Variants in DNA2 observed in about 807,000 individuals in gnomAD.
DNA2 encodes DNA replication ATP-dependent helicase/nuclease DNA2.
A neutral mutation model predicts 119.1 loss-of-function variants in DNA2; 101 were observed. The ratio of observed to expected loss-of-function variants is 0.85; its 90% CI spans 0.72 to 1.00. DNA2 has a LOEUF of 1.00. Among genes scored for constraint, DNA2 ranks in the 50% least tolerant of loss-of-function variants. DNA2 has a pLI of 0.00. For synonymous variants in DNA2, 366 were observed against 424.4 expected (o/e 0.86, Z 1.69); for missense variants, 1,121 against 1,255.5 (o/e 0.89, Z 1.62).
At chr10:68,426,147 C>T (rs1590050513) in intron 14 of DNA2, among the ~76,000 whole-genome samples, 2 of 151,528 alleles carry the variant, frequency 1.3e-5, no homozygotes, top group East Asian at 2.0e-4. Context: ...AAAAAGAAAA[C>T]CTTCAGCATC....
At chr10:68,448,968 C>CGTGCGTGT (rs2052080154) in intron 6 of DNA2, among the ~76,000 whole-genome samples, 8 of 109,610 alleles carry the variant, frequency 7.3e-5, no homozygotes, top group African/African-American at 1.5e-4. Flanking sequence ...TGTGTGTGTG[C>CGTGCGTGT]GTGTGTGTGT....
chr10:68,440,166 T>C (rs1008100633), intron 9 of DNA2, among the ~76,000 whole-genome samples: 14 of 151,792 alleles, frequency 9.2e-5, no homozygotes, highest in African/African-American at 3.4e-4. Context: ...TAGCTGGGTG[T>C]GGTGGCACGT....
intron 4 of DNA2, among the ~76,000 whole-genome samples, chr10:68,460,395 C>T (rs2052241194): frequency 6.6e-6 from 1 of 151,690 alleles, no homozygotes; most frequent in African/African-American, 2.4e-5. Context: ...AGGCATGAGC[C>T]ACCGCACCTG....
chr10:68,459,621 G>A (rs976054037), intron 4 of DNA2, among the ~76,000 whole-genome samples: 24 of 152,136 alleles, frequency 1.6e-4, no homozygotes, highest in Non-Finnish European at 3.2e-4. Context: ...GAGCGTTATT[G>A]TTTCAAGGGC....
chr10:68,466,847 G>A (rs979888801), intron 3 of DNA2, among the ~76,000 whole-genome samples: 17 of 152,152 alleles, frequency 1.1e-4, no homozygotes, highest in African/African-American at 3.6e-4. Context: ...CCAAAGTGCT[G>A]GGATTACAGG....
upstream of DNA2, chr10:68,472,010 G>C: frequency 4.3e-6 from 7 of 1,609,942 alleles, no homozygotes; most frequent in Non-Finnish European, 5.1e-6. Flanking sequence ...ACCTGCGCCA[G>C]GCCGCCCCTC....
Position 68,437,065 on chromosome 10 carries a change from G to C in DNA2, c.1592C>G (p.Ser531Cys), listed in dbSNP as rs2051898227. Reference sequence around the variant, plus strand: ...GTTAATCTCCTTCACATATCCTCTAGACAAAGCAAACAGTGACCTTTCTTC... The same window carrying C: ...GTTAATCTCCTTCACATATCCTCTACACAAAGCAAACAGTGACCTTTCTTC... ...SGEERSLFAL[S>C]RGYVKEINMT... Residue 531 changes from serine (S) to cysteine (C), a missense_variant, in exon 10 of 21, where the codon TCT (serine) becomes TGT (cysteine). By Grantham distance (112) the Ser-to-Cys change is moderately radical. Transcript: ENST00000358410. 1 of 1,613,824 alleles carries C rather than the reference G, an allele frequency of 6.2e-7. No individual in the cohort carries two copies. The highest frequency in any genetic ancestry group is 8.5e-7 in the Non-Finnish European group (1 of 1,179,856).
intron 4 of DNA2, among the ~76,000 whole-genome samples, chr10:68,461,828 CAAAAAAAAAA>C (rs554059657): frequency 4.3e-5 from 3 of 70,296 alleles, no homozygotes; most frequent in African/African-American, 8.3e-5. Flanking sequence ...AACTCCGTCT[CAAAAAAAAAA>C]AAAAAAAAAA....
intron 19 of DNA2, among the ~76,000 whole-genome samples, chr10:68,418,584 C>A (rs2051622793): frequency 6.6e-6 from 1 of 151,642 alleles, no homozygotes; most frequent in Admixed American, 6.6e-5. Context: ...CCACCAGGTT[C>A]CCGCCCCTCA....
At chr10:68,460,470 C>T (rs1397943047) in intron 4 of DNA2, among the ~76,000 whole-genome samples, 7 of 150,796 alleles carry the variant, frequency 4.6e-5, no homozygotes, top group Admixed American at 1.3e-4. Context: ...CAGGCTGGCG[C>T]GATCTCTACT....
chr10:68,420,902 A>G (rs898302723), intron 17 of DNA2, among the ~76,000 whole-genome samples: 10 of 152,118 alleles, frequency 6.6e-5, no homozygotes, highest in African/African-American at 2.2e-4. Context: ...TACTTTCCAC[A>G]TAATTTTGCT....
chr10:68,462,501 T>C (rs753805027), intron 4 of DNA2, among the ~76,000 whole-genome samples: 2 of 152,210 alleles, frequency 1.3e-5, no homozygotes, highest in Non-Finnish European at 2.9e-5. Context: ...TCTTTAATAA[T>C]TTTTTAGTGT....
intron 5 of DNA2, 89 bp downstream of exon 5, chr10:68,459,015 A>T (rs1470874655): frequency 1.9e-5 from 23 of 1,189,738 alleles, no homozygotes; most frequent in Non-Finnish European, 2.6e-5. Context: ...GTAATTACTC[A>T]ATCTTTAAAA....
intron 4 of DNA2, among the ~76,000 whole-genome samples, chr10:68,461,981 A>C (rs995742047): frequency 3.3e-5 from 5 of 152,096 alleles, no homozygotes; most frequent in African/African-American, 1.2e-4. Flanking sequence ...AAAGAAACTG[A>C]AAAAAATGTA....
intron 9 of DNA2, among the ~76,000 whole-genome samples, chr10:68,438,519 C>CAAAA (rs771668428): frequency 2.9e-5 from 4 of 136,694 alleles, no homozygotes; most frequent in Admixed American, 7.2e-5. Flanking sequence ...AACTCCGTCT[C>CAAAA]AAAAAAAAGA....
intron 4 of DNA2, among the ~76,000 whole-genome samples, chr10:68,465,352 C>T (rs2052315228): frequency 6.6e-6 from 1 of 152,106 alleles, no homozygotes; most frequent in South Asian, 2.1e-4. Flanking sequence ...TCATCTTCTT[C>T]CCAACCCCAT....
chr10:68,427,758 G>A (rs907487880), intron 14 of DNA2, among the ~76,000 whole-genome samples: 1 of 151,796 alleles, frequency 6.6e-6, no homozygotes, highest in Non-Finnish European at 1.5e-5. Flanking sequence ...TATCAGCTGG[G>A]CACGGTGGCT....
intron 13 of DNA2, 149 bp from the exon 14 acceptor site, chr10:68,430,809 A>G: frequency 3.2e-6 from 2 of 633,782 alleles, no homozygotes; most frequent in Non-Finnish European, 5.4e-6. Context: ...AAATTACATG[A>G]CATTATTATA....
intron 5 of DNA2, among the ~76,000 whole-genome samples, chr10:68,454,147 T>G (rs902992798): frequency 6.6e-6 from 1 of 152,088 alleles, no homozygotes; most frequent in Non-Finnish European, 1.5e-5. Context: ...GTCACCCACA[T>G]TTTATCCACC....
Sources: allele counts gnomAD v4.1 joint callset (sites outside exome capture counted in the v4.1 genomes callset), GRCh38; gene constraint gnomAD v4.1.1; transcripts MANE v1.5; gene names NCBI Gene and HGNC (gene_info 2026-07-23, HGNC 2026-07-21).